Variants in PCDHGA3 observed in about 807,000 individuals in gnomAD.
PCDHGA3 encodes protocadherin gamma subfamily A, 3, also known as protocadherin gamma-A3.
In PCDHGA3, 40 loss-of-function variants were observed where a neutral mutation model predicts 58.5. The observed-to-expected ratio is 0.68, with a 90% CI of 0.53 to 0.89. The LOEUF is 0.89. PCDHGA3 is among the 40% of genes least tolerant of loss of function. The pLI, the probability that PCDHGA3 is intolerant of heterozygous loss-of-function variation, is 0.00. For missense variants in PCDHGA3, 1,223 were observed against 1,195.9 expected, an observed-to-expected ratio of 1.02 and a Z score of -0.33; for synonymous variants, 530 against 525.7, an observed-to-expected ratio of 1.01 and a Z score of -0.11.
rs1038435691 is a variant in PCDHGA3 at position 141,344,648 on chromosome 5, A to G, written c.615A>G (p.Lys205=). 1.2e-5 allele frequency: 20 copies of G among 1,613,870 alleles called. No homozygotes were observed. The Admixed American group carries it at 3.2e-4, about 26-fold the overall frequency. ...VLERALDREK[K]EIHQLVLVAS... ...AGCGGGCCCTGGACCGTGAGAAAAAAGAAATTCACCAGCTTGTCCTGGTTG... is the reference window on the plus strand; with the variant it reads ...AGCGGGCCCTGGACCGTGAGAAAAAGGAAATTCACCAGCTTGTCCTGGTTG... Residue 205 remains lysine, a synonymous_variant, in exon 1 of 4, where the codon AAA becomes AAG. Coordinates refer to ENST00000253812, the MANE Select transcript of PCDHGA3 (RefSeq NM_018916.4).
chr5:141,410,440 G>A, intron 1 of PCDHGA3: 1 of 1,614,036 alleles, frequency 6.2e-7, no homozygotes, highest in Non-Finnish European at 8.5e-7. Context: ...ACAGTGAGGG[G>A]ACTTTGCCTT....
At chr5:141,502,398 C>T (rs1303456458) in intron 2 of PCDHGA3, among the ~76,000 whole-genome samples, 1 of 151,688 alleles carries the variant, frequency 6.6e-6, no homozygotes, top group Non-Finnish European at 1.5e-5. Flanking sequence ...TTAAAATGTC[C>T]CCGAACCTGG....
chr5:141,489,287 T>C lies in PCDHGA3; in HGVS notation c.2425-5520T>C. 1 of 1,573,410 alleles carries C rather than the reference T, an allele frequency of 6.4e-7. No individual in the cohort carries two copies. Among genetic ancestry groups the C allele is most frequent in the Non-Finnish European group, 8.6e-7 (1 of 1,159,858 alleles). ...CAGCTCGCTGGGAAATGGCAAGTGC[T>C]GTGCATGTTGTCCTTGTGCTGCTGG... On this transcript the variant is annotated intron_variant, in intron 1 of 3. Transcript: ENST00000253812. The surrounding 1 kb of genome is among the most constrained non-coding windows in gnomAD (Gnocchi z 4.5).
chr5:141,506,935 G>A (rs1375246477), intron 3 of PCDHGA3, among the ~76,000 whole-genome samples: 3 of 152,116 alleles, frequency 2.0e-5, no homozygotes, highest in African/African-American at 7.2e-5. Context: ...AACTTTAGGG[G>A]CCTCCTGTCA....
intron 1 of PCDHGA3, chr5:141,362,026 G>A: frequency 6.2e-7 from 1 of 1,608,520 alleles, no homozygotes; most frequent in Non-Finnish European, 8.5e-7. Context: ...CACAGCGCGT[G>A]CCTTGGGCGA....
intron 1 of PCDHGA3, chr5:141,421,720 G>T: frequency 6.2e-7 from 1 of 1,613,906 alleles, no homozygotes. Context: ...AGATGTGGGC[G>T]TGAACTCCCT....
chr5:141,360,084 T>A (rs1761414694), intron 1 of PCDHGA3: 1 of 1,492,590 alleles, frequency 6.7e-7, no homozygotes, highest in South Asian at 1.4e-5. Context: ...GATTCTGCCA[T>A]CCCCGGAAGG....
intron 3 of PCDHGA3, among the ~76,000 whole-genome samples, 153 bp from the exon 4 acceptor site, chr5:141,510,790 GAAGA>G (rs982513431): frequency 6.6e-5 from 10 of 152,264 alleles, no homozygotes; most frequent in African/African-American, 2.4e-4. Context: ...CAACTCTTGT[GAAGA>G]GAGACTACCT....
chr5:141,375,597 T>C, intron 1 of PCDHGA3: 4 of 1,614,160 alleles, frequency 2.5e-6, no homozygotes, highest in Non-Finnish European at 3.4e-6. Flanking sequence ...TCCTCCTACG[T>C]GTCCATCAAC....
chr5:141,503,912 A>AAC (rs34419983), intron 2 of PCDHGA3, among the ~76,000 whole-genome samples: 3 of 152,280 alleles, frequency 2.0e-5, no homozygotes, highest in East Asian at 3.9e-4. Context: ...CACACAACGC[A>AAC]ACACACACAC....
At position 141,491,303 on chromosome 5, in the gene PCDHGA3, C is replaced by T; in HGVS notation, c.2425-3504C>T. On this transcript the variant is annotated intron_variant, in intron 1 of 3. Coordinates refer to ENST00000253812, the MANE Select transcript of PCDHGA3 (RefSeq NM_018916.4). This position sits in a 1 kb window ranked among gnomAD's most constrained non-coding sequence, Gnocchi z 6.9. ...TTCCTCATACACCCTCCTGAGCGTT[C>T]AGACCTTACCCTTTACCTCATTGTG... 6.2e-7 allele frequency: 1 copy of T among 1,614,132 alleles called. No homozygotes were observed. The highest frequency in any genetic ancestry group is 8.5e-7 in the Non-Finnish European group (1 of 1,179,962).
chr5:141,447,298 C>T lies in PCDHGA3; in HGVS notation c.2425-47509C>T, dbSNP rs187482431. 1.7e-3 allele frequency among the ~76,000 whole-genome samples: 260 copies of T among 152,214 alleles called. 2 individuals carry two copies. Among genetic ancestry groups the T allele is most frequent in the African/African-American group, 5.8e-3 (239 of 41,534 alleles). ...GGGACTACAGGCACATGCCACCACA[C>T]CCGGCTAATTTTTGTATTTTTAGTA... On this transcript the variant is annotated intron_variant, in intron 1 of 3. Coordinates refer to ENST00000253812, the MANE Select transcript of PCDHGA3 (RefSeq NM_018916.4).
chr5:141,400,636 G>T (rs1478195116), intron 1 of PCDHGA3: 4 of 1,325,644 alleles, frequency 3.0e-6, no homozygotes, highest in Non-Finnish European at 4.2e-6. Context: ...AGTCAGAGCT[G>T]CTCAGAAAGC....
At chr5:141,503,936 C>G (rs2099834285) in intron 2 of PCDHGA3, among the ~76,000 whole-genome samples, 1 of 152,186 alleles carries the variant, frequency 6.6e-6, no homozygotes, top group Non-Finnish European at 1.5e-5. Flanking sequence ...CATTTTCATG[C>G]CTTCAAGGCC....
At chr5:141,406,948 CAT>C (rs777377851) in intron 1 of PCDHGA3, among the ~76,000 whole-genome samples, 2 of 152,096 alleles carry the variant, frequency 1.3e-5, no homozygotes, top group Non-Finnish European at 2.9e-5. Context: ...TTATTTTAAA[CAT>C]AGTGTTGTTT....
intron 1 of PCDHGA3, chr5:141,379,115 T>C (rs1775378962): frequency 6.6e-6 from 1 of 152,230 alleles, no homozygotes; most frequent in African/African-American, 2.4e-5. Context: ...ATTGAGAAGA[T>C]ACCTTGAAAA....
chr5:141,422,499 A>G lies in PCDHGA3; in HGVS notation c.2425-72308A>G. 3 of 1,614,036 alleles carry G rather than the reference A, an allele frequency of 1.9e-6. No homozygotes were observed. The South Asian group carries it at 3.3e-5, about 18-fold the overall frequency. On this transcript the variant is annotated intron_variant, in intron 1 of 3. Coordinates refer to ENST00000253812, the MANE Select transcript of PCDHGA3 (RefSeq NM_018916.4). ...TCCAGAGCTACAATATAACGTTGAC[A>G]GCCACAGACCAGGGAAGCCCGCCTT...
At chr5:141,389,926 A>G (rs1442843006) in intron 1 of PCDHGA3, 2 of 1,613,766 alleles carry the variant, frequency 1.2e-6, no homozygotes, top group Non-Finnish European at 1.7e-6. Context: ...GACCCCTCTG[A>G]CCTCCAGGCT....
chr5:141,355,440 C>T (rs1422481246), intron 1 of PCDHGA3: 1 of 1,614,130 alleles, frequency 6.2e-7, no homozygotes. Flanking sequence ...TGAACCCGCG[C>T]AGCGGCACCT....
Sources: allele counts gnomAD v4.1 joint callset (sites outside exome capture counted in the v4.1 genomes callset), GRCh38; gene constraint gnomAD v4.1.1; non-coding constraint Gnocchi (gnomAD v3.1); transcripts MANE v1.5; gene names NCBI Gene and HGNC (gene_info 2026-07-23, HGNC 2026-07-21).